DPP6: variants seen among roughly 807,000 people sequenced by gnomAD.
The protein encoded by DPP6 is A-type potassium channel modulatory protein DPP6.
In DPP6, 69 loss-of-function variants were observed where a neutral mutation model predicts 122.6. The observed-to-expected ratio is 0.56, with a 90% confidence interval of 0.46 to 0.69. The LOEUF (loss-of-function observed/expected upper bound fraction) is 0.69. Among genes scored for constraint, DPP6 ranks in the 30% least tolerant of loss-of-function variants. The probability of loss-of-function intolerance (pLI) is 0.00; values close to 1 mark genes in which losing one functional copy is unlikely to be tolerated. For synonymous variants in DPP6, 418 were observed against 433.1 expected (o/e 0.97, Z 0.43); for missense variants, 928 against 1,116.9 (o/e 0.83, Z 2.41).
At chr7:154,719,247 A>T (rs1841670758) in intron 7 of DPP6, among the ~76,000 whole-genome samples, 1 of 152,124 alleles carries the variant, frequency 6.6e-6, no homozygotes, top group African/African-American at 2.4e-5. Context: ...TCTTGGTTAC[A>T]TCCCAGCCTC....
chr7:154,007,324 T>C (rs1355718053), intron 1 of DPP6, among the ~76,000 whole-genome samples: 1 of 152,248 alleles, frequency 6.6e-6, no homozygotes, highest in Non-Finnish European at 1.5e-5. Context: ...AGTGAATTAA[T>C]TTGTACAATA....
intron 7 of DPP6, among the ~76,000 whole-genome samples, chr7:154,695,544 G>A (rs929468587): frequency 2.0e-5 from 3 of 152,196 alleles, no homozygotes; most frequent in African/African-American, 7.2e-5. Context: ...GAGAGGTGAA[G>A]TAATCCTCTA....
At chr7:154,312,517 C>T (rs374031921) in intron 1 of DPP6, among the ~76,000 whole-genome samples, 2 of 152,188 alleles carry the variant, frequency 1.3e-5, no homozygotes, top group Non-Finnish European at 2.9e-5. Context: ...ACTGCTTTCC[C>T]CAGTGTGGAA....
chr7:154,853,297 C>CAT (rs777362887), intron 16 of DPP6, among the ~76,000 whole-genome samples: 2 of 152,172 alleles, frequency 1.3e-5, no homozygotes, highest in Non-Finnish European at 2.9e-5. Flanking sequence ...TATAGTTTGA[C>CAT]ATTTTCAAAA....
rs1799191753 is a variant in DPP6 at position 154,030,908 on chromosome 7, C to T, written c.51+143174C>T. On this transcript the variant is annotated intron_variant, in intron 1 of 25. Coordinates refer to the DPP6 transcript ENST00000404039. ...TCTGCATGTCTCTGAGCTATTAATA[C>T]ACAAAATAACGTAAGCCCCCTCTTC... is the stretch of plus-strand genomic sequence containing the variant. Among the ~76,000 whole-genome samples, 4 of 152,094 alleles carry T rather than the reference C, an allele frequency of 2.6e-5. 1 individual carries two copies. In the South Asian group the frequency reaches 8.3e-4, roughly 32 times the overall value.
At chr7:153,878,058 C>T in the DPP6 span, among the ~76,000 whole-genome samples, 3 of 152,016 alleles carry the variant, frequency 2.0e-5, no homozygotes, top group African/African-American at 4.8e-5. Context: ...GCAAGATACC[C>T]GTATACCGTC....
At chr7:154,322,867 A>G (rs755122188) in intron 1 of DPP6, among the ~76,000 whole-genome samples, 7 of 152,202 alleles carry the variant, frequency 4.6e-5, no homozygotes, top group Non-Finnish European at 7.3e-5. Context: ...GCCTGTACTT[A>G]TATCACACAA....
Position 154,062,661 on chromosome 7 carries a change from C to G in DPP6, c.243+9598C>G, listed in dbSNP as rs543040000. On this transcript the variant is annotated intron_variant, in intron 1 of 25. Coordinates refer to ENST00000377770, the MANE Select transcript of DPP6 (RefSeq NM_130797.4). ...CCCCATCGCAGGAGGGGGAGGCACC[C>G]CCCGCGAGGGTGGGGACTGAGAGCT... Among the ~76,000 whole-genome samples, 140 of 60,650 alleles carry G rather than the reference C, an allele frequency of 2.3e-3. 34 individuals are homozygous for G. The highest frequency in any genetic ancestry group is 2.3e-3 in the Admixed American group (15 of 6,542). 39.8% of individuals were successfully genotyped at this position (60,650 alleles called of 152,430 possible).
exon 1 of DPP6, chr7:153,887,649 C>T (rs1584983701): frequency 1.2e-6 from 2 of 1,612,976 alleles, no homozygotes; most frequent in Non-Finnish European, 1.7e-6. Flanking sequence ...GTTTCTCTTC[C>T]CTGGACCAGA....
chr7:154,390,265 G>T (rs1214813723), intron 1 of DPP6, among the ~76,000 whole-genome samples: 1 of 152,194 alleles, frequency 6.6e-6, no homozygotes, highest in Non-Finnish European at 1.5e-5. Context: ...GTATTCCACT[G>T]GGGATCAGGG....
the DPP6 span, among the ~76,000 whole-genome samples, chr7:153,766,768 C>T: frequency 2.0e-5 from 3 of 152,058 alleles, no homozygotes; most frequent in Non-Finnish European, 4.4e-5. Flanking sequence ...TAAAAAAGAG[C>T]TACAATCTGT....
intron 1 of DPP6, among the ~76,000 whole-genome samples, chr7:154,363,348 A>T (rs564853185): frequency 2.6e-5 from 4 of 152,354 alleles, no homozygotes; most frequent in Non-Finnish European, 5.9e-5. Context: ...GTTTTATTCC[A>T]GTTTGTCCCC....
At chr7:154,056,602 C>G (rs1455496710) in intron 1 of DPP6, among the ~76,000 whole-genome samples, 1 of 152,146 alleles carries the variant, frequency 6.6e-6, no homozygotes, top group African/African-American at 2.4e-5. Context: ...CTTAGCAATA[C>G]AAATGTGATG....
At chr7:154,339,999 G>A (rs1809784831) in intron 1 of DPP6, among the ~76,000 whole-genome samples, 1 of 152,082 alleles carries the variant, frequency 6.6e-6, no homozygotes, top group African/African-American at 2.4e-5. Context: ...CTTGAACCTA[G>A]GAGGCAGAGT....
rs758715573 is a variant in DPP6 at position 154,446,240 on chromosome 7, G to A, written c.270G>A (p.Gln90=). The A allele has an allele frequency of 6.2e-6, 10 of 1,609,536 alleles. No individual in the cohort carries two copies. Among genetic ancestry groups the A allele is most frequent in the African/African-American group, 1.3e-5 (1 of 74,748 alleles). The change falls in exon 2 of 26, where the codon CAG becomes CAA. Residue 90 remains glutamine (Q), a synonymous_variant. Coordinates refer to ENST00000377770, the MANE Select transcript of DPP6 (RefSeq NM_130797.4). ...EDELVGSNPP[Q]RNWKGIAIAL... ...AGCTGGTGGGGAGTAACCCTCCGCA[G>A]AGGAATTGGAAAGGAATAGCAATTG...
intron 1 of DPP6, among the ~76,000 whole-genome samples, chr7:154,324,542 G>T (rs949407447): frequency 6.6e-6 from 1 of 152,144 alleles, no homozygotes; most frequent in Non-Finnish European, 1.5e-5. Flanking sequence ...CAGCATGACC[G>T]CCGGGTCTCC....
rs529903610 is a variant in DPP6 at position 154,696,576 on chromosome 7, T to C, written c.762+27135T>C. 2.0e-5 allele frequency among the ~76,000 whole-genome samples: 3 copies of C among 152,322 alleles called. No individual in the cohort carries two copies. The South Asian group carries it at 6.2e-4, about 32-fold the overall frequency. On this transcript the variant is annotated intron_variant, in intron 7 of 25. Coordinates refer to ENST00000377770, the MANE Select transcript of DPP6 (RefSeq NM_130797.4). ...TGTTTAAGTGTTGGAGGGAGTGGCCTAGCCCAGGGCCCAGAGCTGGAGCCT... is the reference window on the plus strand; with the variant it reads ...TGTTTAAGTGTTGGAGGGAGTGGCCCAGCCCAGGGCCCAGAGCTGGAGCCT...
At chr7:154,032,297 C>G (rs1395520238) in intron 1 of DPP6, among the ~76,000 whole-genome samples, 1 of 152,128 alleles carries the variant, frequency 6.6e-6, no homozygotes, top group Non-Finnish European at 1.5e-5. Context: ...CATAAACAAC[C>G]TGAAGCACCG....
At chr7:153,824,152 G>T in the DPP6 span, among the ~76,000 whole-genome samples, 1 of 152,156 alleles carries the variant, frequency 6.6e-6, no homozygotes, top group Non-Finnish European at 1.5e-5. Flanking sequence ...ACTTTGGGAG[G>T]CCTAGGCGGG....
Sources: gnomAD v4.1 joint callset for allele counts (sites outside exome capture counted in the v4.1 genomes callset) on GRCh38, gnomAD v4.1.1 for gene constraint, MANE v1.5 for transcripts, NCBI Gene and HGNC (gene_info 2026-07-23, HGNC 2026-07-21) for gene names.